Variants in CNTNAP2 observed in about 807,000 individuals in gnomAD.
CNTNAP2 encodes contactin associated protein 2.
Under a neutral mutation model 155.2 loss-of-function variants are expected in CNTNAP2, and 98 were observed. That is an observed-to-expected ratio of 0.63 (90% CI 0.54 to 0.75). CNTNAP2 has a LOEUF of 0.75. Ranked by LOEUF, CNTNAP2 falls within the 30% of genes least tolerant of loss-of-function variation. The probability of loss-of-function intolerance (pLI) is 0.00; values close to 1 mark genes in which losing one functional copy is unlikely to be tolerated. For synonymous variants in CNTNAP2, 651 were observed against 631.2 expected, an observed-to-expected ratio of 1.03 and a Z score of -0.47; for missense variants, 1,727 against 1,688.1, an observed-to-expected ratio of 1.02 and a Z score of -0.40.
At chr7:147,370,250 C>T (rs1796319350) in intron 9 of CNTNAP2, among the ~76,000 whole-genome samples, 1 of 152,184 alleles carries the variant, frequency 6.6e-6, no homozygotes, top group South Asian at 2.1e-4. Context: ...AATGACGTGT[C>T]CATGACAACA....
At chr7:147,183,434 G>A (rs1473409703) in intron 8 of CNTNAP2, among the ~76,000 whole-genome samples, 1 of 152,092 alleles carries the variant, frequency 6.6e-6, no homozygotes, top group Non-Finnish European at 1.5e-5. Context: ...CAGACTTGGA[G>A]GAGTCCTTTA....
At chr7:146,856,261 TATAGATAGATAGATAG>T (rs72247117) in intron 3 of CNTNAP2, among the ~76,000 whole-genome samples, 4,726 of 135,146 alleles carry the variant, frequency 0.035, 111 homozygotes, top group East Asian at 0.11. Flanking sequence ...AGATGATAGA[TATAGATAGATAGATAG>T]ATAGATAGAT....
chr7:147,182,459 G>T (rs1802481390), intron 8 of CNTNAP2, among the ~76,000 whole-genome samples: 1 of 151,878 alleles, frequency 6.6e-6, no homozygotes, highest in African/African-American at 2.4e-5. Flanking sequence ...AATAATATTT[G>T]TAACTTTATT....
chr7:147,538,209 G>A (rs568755305), intron 11 of CNTNAP2, among the ~76,000 whole-genome samples: 75 of 152,302 alleles, frequency 4.9e-4, no homozygotes, highest in Non-Finnish European at 8.2e-4. Context: ...AATCTTTTAA[G>A]AATGTTGAAT....
chr7:148,075,436 CA>C (rs200297733), intron 15 of CNTNAP2, among the ~76,000 whole-genome samples: 10,127 of 140,330 alleles, frequency 0.072, 380 homozygotes, highest in Non-Finnish European at 0.092. Context: ...AACTTAATCT[CA>C]AAAAAAAAAA....
intron 9 of CNTNAP2, among the ~76,000 whole-genome samples, chr7:147,360,983 C>A (rs1232992276): frequency 6.6e-6 from 1 of 152,052 alleles, no homozygotes; most frequent in African/African-American, 2.4e-5. Context: ...CCCAAAACAA[C>A]AACCAAAGGT....
At chr7:146,681,897 A>G (rs1195191253) in intron 1 of CNTNAP2, among the ~76,000 whole-genome samples, 1 of 152,166 alleles carries the variant, frequency 6.6e-6, no homozygotes, top group Non-Finnish European at 1.5e-5. Flanking sequence ...CTAGTTTTCT[A>G]TTCATCATCT....
At chr7:146,493,035 C>CATGG (rs1459949873) in intron 1 of CNTNAP2, among the ~76,000 whole-genome samples, 4 of 152,016 alleles carry the variant, frequency 2.6e-5, no homozygotes, top group Admixed American at 6.6e-5. Context: ...GTCTATAATC[C>CATGG]AGGCAGACAT....
At chr7:147,592,185 AG>A (rs1800746991) in intron 12 of CNTNAP2, among the ~76,000 whole-genome samples, 1 of 152,204 alleles carries the variant, frequency 6.6e-6, no homozygotes, top group Non-Finnish European at 1.5e-5. Context: ...TTAGGCACTT[AG>A]TAAATATTTG....
intron 1 of CNTNAP2, among the ~76,000 whole-genome samples, chr7:146,441,119 A>C (rs1526150): frequency 0.028 from 4,257 of 151,630 alleles, 383 homozygotes; most frequent in African/African-American, 0.099. Flanking sequence ...CAGAGGATAC[A>C]TTCAATAATG....
At chr7:148,272,298 C>T (rs1365105834) in intron 21 of CNTNAP2, among the ~76,000 whole-genome samples, 1 of 152,210 alleles carries the variant, frequency 6.6e-6, no homozygotes, top group African/African-American at 2.4e-5. Context: ...TCTTTCATCC[C>T]TCATATCCAT....
chr7:146,754,305 T>C (rs1801955033), intron 1 of CNTNAP2, among the ~76,000 whole-genome samples: 1 of 151,988 alleles, frequency 6.6e-6, no homozygotes, highest in Non-Finnish European at 1.5e-5. Flanking sequence ...CATGTATAGT[T>C]AAGCCTGCTA....
Position 146,165,683 on chromosome 7 carries a change from A to T in CNTNAP2, c.97+48710A>T, listed in dbSNP as rs545612907. Among the ~76,000 whole-genome samples the T allele has an allele frequency of 2.6e-5, 4 of 152,312 alleles. No individual in the cohort carries two copies. The East Asian group carries it at 7.7e-4, about 29-fold the overall frequency. The stretch of plus-strand genomic sequence containing the variant: ...CTTCAATTAAAATCCCCACTTTATT[A>T]TGTCACAAAAATGAATTAATGTTGG... On this transcript the variant is annotated intron_variant, in intron 1 of 23. Coordinates refer to ENST00000361727, the MANE Select transcript of CNTNAP2 (RefSeq NM_014141.6).
rs536801432 is a variant in CNTNAP2, at chr7:148,039,430, T to C, written c.2383+61441T>C. ...CACCAATTCACACCCCAATCTCCTC[T>C]GGAAAGACCCTTGCAGACACACCCA... On this transcript the variant is annotated intron_variant, in intron 15 of 23. Coordinates refer to ENST00000361727, the MANE Select transcript of CNTNAP2 (RefSeq NM_014141.6). 9.2e-5 allele frequency among the ~76,000 whole-genome samples: 14 copies of C among 152,280 alleles called. 1 individual carries two copies. The highest frequency in any genetic ancestry group is 3.1e-4 in the African/African-American group (13 of 41,556).
chr7:147,525,513 G>A (rs1385479996), intron 11 of CNTNAP2, among the ~76,000 whole-genome samples: 1 of 152,166 alleles, frequency 6.6e-6, no homozygotes, highest in East Asian at 1.9e-4. Flanking sequence ...ATACTTGTGG[G>A]AACTAAAAAT....
At chr7:148,280,835 C>T (rs1003473884) in intron 21 of CNTNAP2, among the ~76,000 whole-genome samples, 7 of 151,866 alleles carry the variant, frequency 4.6e-5, no homozygotes, top group Non-Finnish European at 7.4e-5. Flanking sequence ...AGGAGAATCG[C>T]TTGAACCTAG....
At chr7:146,637,265 T>G (rs1799614900) in intron 1 of CNTNAP2, among the ~76,000 whole-genome samples, 1 of 152,172 alleles carries the variant, frequency 6.6e-6, no homozygotes, top group African/African-American at 2.4e-5. Flanking sequence ...AAAGGCATAG[T>G]TTTTAATTTC....
chr7:146,689,518 C>A (rs1800661471), intron 1 of CNTNAP2, among the ~76,000 whole-genome samples: 1 of 151,988 alleles, frequency 6.6e-6, no homozygotes, highest in South Asian at 2.1e-4. Context: ...CAGTAGGCCA[C>A]CAACGTCCTT....
At chr7:148,107,847 T>G (rs773033052) in intron 15 of CNTNAP2, among the ~76,000 whole-genome samples, 1 of 152,208 alleles carries the variant, frequency 6.6e-6, no homozygotes, top group Non-Finnish European at 1.5e-5. Flanking sequence ...GTGTTTGCCA[T>G]TTACAGCAGA....
Sources: gnomAD v4.1 joint callset for allele counts (sites outside exome capture counted in the v4.1 genomes callset) on GRCh38, gnomAD v4.1.1 for gene constraint, MANE v1.5 for transcripts, NCBI Gene and HGNC (gene_info 2026-07-23, HGNC 2026-07-21) for gene names.